The following SHANK2 variants were observed in gnomAD, a reference collection of about 807,000 sequenced individuals.
SHANK2 encodes the protein SH3 and multiple ankyrin repeat domains 2, also known as SH3 and multiple ankyrin repeat domains protein 2.
A neutral mutation model predicts 133.7 loss-of-function variants in SHANK2; 43 were observed. That is an observed-to-expected ratio of 0.32 (90% CI 0.25 to 0.41). The LOEUF (loss-of-function observed/expected upper bound fraction) is 0.41. Among genes scored for constraint, SHANK2 ranks in the 10% least tolerant of loss-of-function variants. The probability of loss-of-function intolerance (pLI) is 1.00; values close to 1 mark genes in which losing one functional copy is unlikely to be tolerated. For missense variants in SHANK2, 1,994 were observed against 2,235.8 expected, an observed-to-expected ratio of 0.89 and a Z score of 2.18; for synonymous variants, 1,017 against 952.8, an observed-to-expected ratio of 1.07 and a Z score of -1.24.
At chr11:70,786,642 T>C (rs782403006) in intron 14 of SHANK2, among the ~76,000 whole-genome samples, 1 of 152,154 alleles carries the variant, frequency 6.6e-6, no homozygotes, top group Non-Finnish European at 1.5e-5. Context: ...GTGGTGTTGA[T>C]TTCTTTACAT....
chr11:70,602,973 T>TGCCCCGTGGC (rs2060521111), intron 17 of SHANK2, among the ~76,000 whole-genome samples: 1 of 152,214 alleles, frequency 6.6e-6, no homozygotes, highest in South Asian at 2.1e-4. Context: ...CCCCAGAGCA[T>TGCCCCGTGGC]ACTGCTGGCC....
rs1168183560 is a variant in SHANK2 at position 71,131,981 on chromosome 11, C to T, written c.208-12949G>A. Among the ~76,000 whole-genome samples the T allele has an allele frequency of 2.0e-5, 3 of 152,154 alleles. No individual in the cohort carries two copies. In the East Asian group the frequency reaches 5.8e-4, roughly 29 times the overall value. On this transcript the variant is annotated intron_variant, in intron 3 of 25. Coordinates refer to ENST00000601538, the MANE Select transcript of SHANK2 (RefSeq NM_012309.5). ...CAGGGATTAAGGGGGTCCCCGAGGC[C>T]GAGCTAATGAGTCCAACTCGATCCT...
At chr11:71,166,008 G>A (rs1000778388) in intron 2 of SHANK2, among the ~76,000 whole-genome samples, 20 of 152,180 alleles carry the variant, frequency 1.3e-4, no homozygotes, top group African/African-American at 3.6e-4. Flanking sequence ...AGACGAATGT[G>A]AGTGTCCACA....
At chr11:70,753,851 A>G (rs1946806420) in intron 14 of SHANK2, among the ~76,000 whole-genome samples, 1 of 62,876 alleles carries the variant, frequency 1.6e-5, no homozygotes, top group South Asian at 3.8e-4. Flanking sequence ...TCACTCAGTC[A>G]CCCAGGCTGG....
intron 11 of SHANK2, among the ~76,000 whole-genome samples, chr11:70,881,189 C>T (rs1428825259): frequency 6.6e-6 from 1 of 152,148 alleles, no homozygotes; most frequent in African/African-American, 2.4e-5. Flanking sequence ...AGGCCTGCAC[C>T]ACCACGCTTG....
chr11:71,178,446 G>A (rs1565497781), intron 2 of SHANK2, among the ~76,000 whole-genome samples: 1 of 152,186 alleles, frequency 6.6e-6, no homozygotes, highest in Admixed American at 6.5e-5. Context: ...AGGAACTATT[G>A]TTTAATGGGC....
chr11:71,223,392 C>T (rs538372617), intron 2 of SHANK2, among the ~76,000 whole-genome samples: 4 of 152,180 alleles, frequency 2.6e-5, no homozygotes, highest in South Asian at 2.1e-4. Context: ...ACCAACCATG[C>T]GCACATTGGA....
chr11:70,927,468 AT>A (rs1266847650), intron 10 of SHANK2, among the ~76,000 whole-genome samples: 2 of 151,990 alleles, frequency 1.3e-5, no homozygotes, highest in African/African-American at 4.8e-5. Context: ...GTTGGGACTG[AT>A]GGGGCCCGAC....
intron 17 of SHANK2, among the ~76,000 whole-genome samples, chr11:70,564,550 G>A (rs1013067673): frequency 3.3e-5 from 5 of 152,214 alleles, no homozygotes; most frequent in Admixed American, 2.0e-4. Context: ...ATGAGCCACC[G>A]CACCCAGCCT....
chr11:70,931,395 A>G (rs1950502481), intron 10 of SHANK2, among the ~76,000 whole-genome samples: 1 of 152,218 alleles, frequency 6.6e-6, no homozygotes, highest in Non-Finnish European at 1.5e-5. Flanking sequence ...CTTTTAAAAG[A>G]ATAGCACAAA....
At chr11:70,622,310 A>T (rs1376920966) in intron 17 of SHANK2, among the ~76,000 whole-genome samples, 1 of 151,878 alleles carries the variant, frequency 6.6e-6, no homozygotes, top group Non-Finnish European at 1.5e-5. Flanking sequence ...GACTCAACTC[A>T]TGTCAACCCC....
Position 70,485,579 on chromosome 11 carries a change from C to T in SHANK2, c.4714G>A (p.Val1572Ile). The change falls in exon 25 of 26, where the codon GTA (valine) becomes ATA (isoleucine). Residue 1572 changes from valine to isoleucine, a missense_variant. Around this residue, in one of 5 missense-constraint regions of SHANK2, gnomAD observed 797 missense variants for 907.4 expected, o/e 0.88. Transcript: ENST00000601538. This position sits in a 1 kb window ranked among gnomAD's most constrained non-coding sequence, Gnocchi z 5.8. Reference sequence around the variant, plus strand: ...GGCGGGGGGATAACAAAGCTATCTACATCTTCTTCCACGAGCGCGTCTTGA... The same window carrying T: ...GGCGGGGGGATAACAAAGCTATCTATATCTTCTTCCACGAGCGCGTCTTGA... ...LYQDALVEED[V>I]DSFVIPPPAP... 2 of 1,613,806 alleles carry T rather than the reference C, an allele frequency of 1.2e-6. No individual in the cohort carries two copies. The highest frequency in any genetic ancestry group is 2.2e-5 in the East Asian group (1 of 44,886).
In SHANK2 at chr11:70,471,883, C is replaced by T. The variant is rs2135655555; in HGVS notation, c.*986G>A. The T allele has an allele frequency of 6.5e-6, 1 of 153,628 alleles. No homozygotes were observed. The highest frequency in any genetic ancestry group is 6.5e-5 in the Admixed American group (1 of 15,344). The allele number at this position is 153,628 out of a possible 1,614,324, so 9.5% of individuals were successfully genotyped here. ...ATGAGCCATGCGTCTTCTTGTCCTT[C>T]ATGTCAAAGTGGATGCTCACCTGCT... On this transcript the variant is annotated 3_prime_UTR_variant, in exon 26 of 26. Transcript: ENST00000601538. This position sits in a 1 kb window ranked among gnomAD's most constrained non-coding sequence, Gnocchi z 4.1.
Position 70,473,479 on chromosome 11 carries a change from C to A in SHANK2, c.4980-40G>T. On this transcript the variant is annotated intron_variant, in intron 25 of 25. Coordinates refer to ENST00000601538, the MANE Select transcript of SHANK2 (RefSeq NM_012309.5). The surrounding 1 kb of genome is among the most constrained non-coding windows in gnomAD (Gnocchi z 5.9). The stretch of plus-strand genomic sequence containing the variant: ...CAGAGAAAACCATCACAAGGCAGGT[C>A]ACCGAGTCAGGGCAGCTGGCTGCAG... 1.3e-6 allele frequency: 2 copies of A among 1,594,524 alleles called. No homozygotes were observed. Among genetic ancestry groups the A allele is most frequent in the South Asian group, 1.1e-5 (1 of 90,788 alleles).
chr11:70,868,677 G>T (rs1031687630), intron 11 of SHANK2, among the ~76,000 whole-genome samples: 2 of 152,208 alleles, frequency 1.3e-5, no homozygotes, highest in African/African-American at 4.8e-5. Flanking sequence ...GCAGCCCAGG[G>T]CCCCACCCAC....
At chr11:70,826,556 G>C in intron 11 of SHANK2, 1 of 471,074 alleles carries the variant, frequency 2.1e-6, no homozygotes, top group Non-Finnish European at 4.4e-6. Context: ...TCCTGGATGG[G>C]AGGAAGGACA....
intron 14 of SHANK2, among the ~76,000 whole-genome samples, chr11:70,787,483 G>GACC (rs1318219858): frequency 2.7e-5 from 1 of 36,658 alleles, no homozygotes; most frequent in African/African-American, 5.7e-5. Context: ...TCATCACCGT[G>GACC]ACCACCACCA....
rs1408289958 is a variant in SHANK2, at chr11:71,110,106, C to T, written c.484-57G>A. ...TTTATAAGAAATGTCCCAACCTGAGCAACAAAGTGAGACCCCGTCTCTACA... is the reference window on the plus strand; with the variant it reads ...TTTATAAGAAATGTCCCAACCTGAGTAACAAAGTGAGACCCCGTCTCTACA... On this transcript the variant is annotated intron_variant, in intron 5 of 25. Transcript: ENST00000601538. The T allele has an allele frequency of 3.1e-6, 4 of 1,290,558 alleles. No homozygotes were observed. In the African/African-American group the frequency reaches 5.9e-5, roughly 19 times the overall value. The allele number at this position is 1,290,558 out of a possible 1,614,324, so 79.9% of individuals were successfully genotyped here.
intron 1 of SHANK2, among the ~76,000 whole-genome samples, chr11:71,227,230 A>G (rs1555122368): frequency 6.6e-6 from 1 of 152,192 alleles, no homozygotes; most frequent in African/African-American, 2.4e-5. Flanking sequence ...TAATGTATCA[A>G]TAATTGCATT....
Sources: gnomAD v4.1 joint callset for allele counts (sites outside exome capture counted in the v4.1 genomes callset) on GRCh38, gnomAD v4.1.1 for gene constraint, gnomAD v4.1.1 regional missense constraint, Gnocchi (gnomAD v3.1) non-coding constraint, MANE v1.5 for transcripts, NCBI Gene and HGNC (gene_info 2026-07-23, HGNC 2026-07-21) for gene names.